The following DBX1 variants were observed in gnomAD, a reference collection of about 807,000 sequenced individuals.
DBX1 encodes the protein homeobox protein DBX1.
DBX1 carries 10 observed loss-of-function variants against 20.8 expected under a neutral mutation model. The observed-to-expected ratio is 0.48, with a 90% CI of 0.30 to 0.82. The LOEUF (loss-of-function observed/expected upper bound fraction) is 0.82. DBX1 is among the 40% of genes least tolerant of loss of function. DBX1 has a pLI of 0.07. For missense variants in DBX1, 505 were observed against 468.8 expected, an observed-to-expected ratio of 1.08 and a Z score of -0.71; for synonymous variants, 241 against 213.9, an observed-to-expected ratio of 1.13 and a Z score of -1.11.
rs1364963226 is a variant in DBX1 at position 20,157,248 on chromosome 11, T to TG, written c.470-10dup. 4 of 1,550,312 alleles carry TG rather than the reference T, an allele frequency of 2.6e-6. No individual in the cohort carries two copies. The highest frequency in any genetic ancestry group is 3.5e-6 in the Non-Finnish European group (4 of 1,151,240). On this transcript the variant is annotated splice_polypyrimidine_tract_variant and intron_variant, in intron 2 of 3. Transcript: ENST00000524983. ...CACCACGCTGGAGGAAGCTGCAGGG[T>TG]GGGGGGAGGTGGCGAGTGAGTGGGC...
intron 2 of DBX1, among the ~76,000 whole-genome samples, chr11:20,157,900 C>T (rs936308770): frequency 1.3e-5 from 2 of 151,424 alleles, no homozygotes; most frequent in Non-Finnish European, 2.9e-5. Context: ...AAAAACAAAA[C>T]AAAAAGAAAC....
In DBX1 at chr11:20,160,143, G is replaced by A; in HGVS notation, c.182C>T (p.Ala61Val). 1 of 1,548,390 alleles carries A rather than the reference G, an allele frequency of 6.5e-7. No homozygotes were observed. The highest frequency in any genetic ancestry group is 8.7e-7 in the Non-Finnish European group (1 of 1,145,580). The change falls in exon 1 of 4, where the codon GCC becomes GTC. Residue 61 changes from alanine (A) to valine (V), a missense_variant. Physicochemically the swap from Ala to Val is moderately conservative, Grantham distance 64. Coordinates refer to ENST00000524983, the MANE Select transcript of DBX1 (RefSeq NM_001029865.4). ...CCCCTGCCTGGGCGGCGACATGCTG[G>A]CGGTGGGCACGCTGCGGGGCAGGTA... ...PAYLPRSVPT[A>V]SMSPPRQGAP...
rs1232764913 is a variant in DBX1, at chr11:20,157,253, G to C, written c.470-14C>G. The C allele has an allele frequency of 6.5e-6, 10 of 1,548,984 alleles. No individual in the cohort carries two copies. The highest frequency in any genetic ancestry group is 8.7e-6 in the Non-Finnish European group (10 of 1,150,488). ...CGCTGGAGGAAGCTGCAGGGTGGGG[G>C]GAGGTGGCGAGTGAGTGGGCGTACG... On this transcript the variant is annotated splice_polypyrimidine_tract_variant and intron_variant, in intron 2 of 3. Coordinates refer to ENST00000524983, the MANE Select transcript of DBX1 (RefSeq NM_001029865.4).
rs547086294 is a variant in DBX1, at chr11:20,157,354, C to T, written c.470-115G>A. ...TCTCTTTAAAACGCTCCTTTTTCTCCCCCTGGAGAATAGGCCACGAACCTA... is the reference window on the plus strand; with the variant it reads ...TCTCTTTAAAACGCTCCTTTTTCTCTCCCTGGAGAATAGGCCACGAACCTA... On this transcript the variant is annotated intron_variant, in intron 2 of 3. Transcript: ENST00000524983. 202 of 974,586 alleles carry T rather than the reference C, an allele frequency of 2.1e-4. No homozygotes were observed. The African/African-American group carries it at 2.8e-3, about 14-fold the overall frequency. The allele number at this position is 974,586 out of a possible 1,614,324, so 60.4% of individuals were successfully genotyped here.
intron 1 of DBX1, 23 bp from the exon 2 acceptor site, chr11:20,159,315 CAGAA>C: frequency 6.7e-7 from 1 of 1,501,838 alleles, no homozygotes; most frequent in South Asian, 1.1e-5. Context: ...GGAGGGGGGA[CAGAA>C]GGAGAGAGGG....
rs2063658880 is a variant in DBX1, at chr11:20,156,624, G to C, written c.673-51C>G. 4 of 1,613,358 alleles carry C rather than the reference G, an allele frequency of 2.5e-6. No individual in the cohort carries two copies. The East Asian group carries it at 6.7e-5, about 27-fold the overall frequency. On this transcript the variant is annotated intron_variant, in intron 3 of 3. Transcript: ENST00000524983. This position sits in a 1 kb window ranked among gnomAD's most constrained non-coding sequence, Gnocchi z 4.8. ...AAGGGAGAAGCAGAGGTCAGATCAG[G>C]GGCTCCGGGGGACGCACGGGGGCGG... is the stretch of plus-strand genomic sequence containing the variant.
rs1422313095 is a variant in DBX1 at position 20,156,873 on chromosome 11, A to C, written c.672+164T>G. ...GGGAGAGAAGAGGGCTATCCTGCGG[A>C]GCTTCGAGGGTAGTGGCCCGTGTAC... On this transcript the variant is annotated intron_variant, in intron 3 of 3. Transcript: ENST00000524983. The surrounding 1 kb of genome is among the most constrained non-coding windows in gnomAD (Gnocchi z 4.8). Among the ~76,000 whole-genome samples the C allele has an allele frequency of 6.6e-6, 1 of 151,690 alleles. No individual in the cohort carries two copies.
Position 20,160,324 on chromosome 11 carries a change from TGGTA to T in DBX1, c.-4_-1del. The T allele has an allele frequency of 6.6e-7, 1 of 1,506,720 alleles. No individual in the cohort carries two copies. 93.3% of individuals were successfully genotyped at this position (1,506,720 alleles called of 1,614,324 possible). ...GGCGCGAGGAGGCCGGGGAACATCATGGTAGGCGCGGGCGGGCGAAATAACCCTT... is the reference window on the plus strand; with the variant it reads ...GGCGCGAGGAGGCCGGGGAACATCATGGCGCGGGCGGGCGAAATAACCCTT... On this transcript the variant is annotated 5_prime_UTR_variant, in exon 1 of 4. Transcript: ENST00000524983.
intron 2 of DBX1, 115 bp downstream of exon 2, chr11:20,159,076 G>C (rs1304925229): frequency 1.3e-6 from 1 of 745,670 alleles, no homozygotes; most frequent in African/African-American, 1.7e-5. Context: ...CGCAACCTCT[G>C]AACCAGAGCA....
At chr11:20,158,694 T>G (rs2063672945) in intron 2 of DBX1, among the ~76,000 whole-genome samples, 2 of 152,094 alleles carry the variant, frequency 1.3e-5, no homozygotes, top group Admixed American at 6.5e-5. Context: ...GGGCACCCCA[T>G]GTGGTCTTGT....
intron 2 of DBX1, among the ~76,000 whole-genome samples, chr11:20,158,735 A>G (rs562904737): frequency 3.9e-5 from 6 of 152,064 alleles, no homozygotes; most frequent in African/African-American, 1.4e-4. Flanking sequence ...TGAGTCTTAA[A>G]GAGAAATTAG....
At chr11:20,159,931 G>A in intron 1 of DBX1, 27 bp downstream of exon 1, 1 of 1,613,860 alleles carries the variant, frequency 6.2e-7, no homozygotes, top group Non-Finnish European at 8.5e-7. Flanking sequence ...TACCTGAATG[G>A]GCCCTTAGGG....
intron 2 of DBX1, among the ~76,000 whole-genome samples, chr11:20,157,728 A>G (rs1054069713): frequency 2.0e-5 from 3 of 152,194 alleles, no homozygotes; most frequent in African/African-American, 7.2e-5. Context: ...AAAATCCAAT[A>G]AGTATTCATC....
rs761914708 is a variant in DBX1 at position 20,157,030 on chromosome 11, C to T, written c.672+7G>A. ...CGGGGGGGGTGCTGTGGAGGAAATG[C>T]GCTCACCTGCGAGTCTTTCAGGCCC... On this transcript the variant is annotated splice_region_variant and intron_variant, in intron 3 of 3. Transcript: ENST00000524983. 3 of 1,613,368 alleles carry T rather than the reference C, an allele frequency of 1.9e-6. No homozygotes were observed. Among genetic ancestry groups the T allele is most frequent in the Admixed American group, 3.3e-5 (2 of 60,022 alleles).
chr11:20,160,397 C>G lies in DBX1; in HGVS notation c.-73G>C. On this transcript the variant is annotated 5_prime_UTR_variant, in exon 1 of 4. Coordinates refer to ENST00000524983, the MANE Select transcript of DBX1 (RefSeq NM_001029865.4). Reference sequence around the variant, plus strand: ...TAAACGCCTCGCTTCCCGCCCCTCCCGCCCCCACAGTGTCCTCTCTCTTGG... The same window carrying G: ...TAAACGCCTCGCTTCCCGCCCCTCCGGCCCCCACAGTGTCCTCTCTCTTGG... 1 of 1,439,288 alleles carries G rather than the reference C, an allele frequency of 6.9e-7. No individual in the cohort carries two copies. The highest frequency in any genetic ancestry group is 9.1e-7 in the Non-Finnish European group (1 of 1,098,370). The allele number at this position is 1,439,288 out of a possible 1,614,324, so 89.2% of individuals were successfully genotyped here.
chr11:20,158,239 G>C lies in DBX1; in HGVS notation c.469+952C>G, dbSNP rs868177406. On this transcript the variant is annotated intron_variant, in intron 2 of 3. Coordinates refer to ENST00000524983, the MANE Select transcript of DBX1 (RefSeq NM_001029865.4). ...GGTGGTGGTGGTGGTGGTGGTGGTG[G>C]TGCTGGGGGGTGGGGGGAGGGCGAA... 5.7e-5 allele frequency among the ~76,000 whole-genome samples: 5 copies of C among 87,104 alleles called. No homozygotes were observed. The Admixed American group carries it at 5.9e-4, about 10-fold the overall frequency. The allele number at this position is 87,104 out of a possible 152,430, so 57.1% of individuals were successfully genotyped here.
rs1029379990 is a variant in DBX1 at position 20,156,485 on chromosome 11, G to A, written c.761C>T (p.Thr254Ile). ...GTGCGGATTGAGCTTGGTGGGCAGG[G>A]TCTGCTCGCGACAGCCCCCGCTAGA... The part of the protein sequence containing the change: ...LLSSGGCREQ[T>I]LPTKLNPHPD... The change falls in exon 4 of 4, where the codon ACC becomes ATC. Residue 254 changes from threonine (T) to isoleucine (I), a missense_variant. Coordinates refer to ENST00000524983, the MANE Select transcript of DBX1 (RefSeq NM_001029865.4). This position sits in a 1 kb window ranked among gnomAD's most constrained non-coding sequence, Gnocchi z 4.8. 2 of 1,613,828 alleles carry A rather than the reference G, an allele frequency of 1.2e-6. No individual in the cohort carries two copies. Among genetic ancestry groups the A allele is most frequent in the Non-Finnish European group, 8.5e-7 (1 of 1,179,972 alleles).
chr11:20,159,562 G>A (rs1486695482), intron 1 of DBX1, among the ~76,000 whole-genome samples: 1 of 152,130 alleles, frequency 6.6e-6, no homozygotes, highest in African/African-American at 2.4e-5. Flanking sequence ...ATAGGACTGA[G>A]TGGGGAGGAA....
At chr11:20,158,768 G>C (rs1243540171) in intron 2 of DBX1, among the ~76,000 whole-genome samples, 1 of 152,064 alleles carries the variant, frequency 6.6e-6, no homozygotes, top group Non-Finnish European at 1.5e-5. Context: ...GGTGTCTCTC[G>C]GCGGCGTGGA....
Sources: gnomAD v4.1 joint callset for allele counts (sites outside exome capture counted in the v4.1 genomes callset) on GRCh38, gnomAD v4.1.1 for gene constraint, Gnocchi (gnomAD v3.1) non-coding constraint, MANE v1.5 for transcripts, NCBI Gene and HGNC (gene_info 2026-07-23, HGNC 2026-07-21) for gene names.